Variants in PRKN observed in about 807,000 individuals in gnomAD.
PRKN encodes the protein parkin RBR E3 ubiquitin protein ligase, also known as E3 ubiquitin-protein ligase parkin.
PRKN carries 56 observed loss-of-function variants against 59.5 expected under a neutral mutation model. That is an observed-to-expected ratio of 0.94 (90% CI 0.76 to 1.18). PRKN has a LOEUF of 1.18. PRKN is among the 50% of genes most tolerant of loss of function. The pLI is 0.00. For synonymous variants in PRKN, 250 were observed against 222.1 expected, an observed-to-expected ratio of 1.13 and a Z score of -1.12; for missense variants, 657 against 596.4, an observed-to-expected ratio of 1.10 and a Z score of -1.06.
intron 6 of PRKN, among the ~76,000 whole-genome samples, chr6:161,919,367 G>A (rs575831182): frequency 1.4e-3 from 208 of 152,302 alleles, no homozygotes; most frequent in African/African-American, 4.8e-3. Flanking sequence ...GAGTGAGGAT[G>A]GCTCAAATAT....
chr6:161,786,768 G>A (rs1402265947), intron 6 of PRKN, among the ~76,000 whole-genome samples: 1 of 151,918 alleles, frequency 6.6e-6, no homozygotes, highest in African/African-American at 2.4e-5. Context: ...TATCCAACAG[G>A]GATTCTTCTA....
intron 5 of PRKN, among the ~76,000 whole-genome samples, chr6:161,978,031 G>T (rs149391723): frequency 0.074 from 9,492 of 128,280 alleles, 465 homozygotes; most frequent in African/African-American, 0.17. Context: ...TTATTTTATT[G>T]TATTTTATTT....
intron 7 of PRKN, among the ~76,000 whole-genome samples, chr6:161,675,904 C>G (rs749925303): frequency 6.6e-6 from 1 of 152,208 alleles, no homozygotes. Flanking sequence ...TTTGAAAATG[C>G]ATTTGAAATG....
At chr6:162,011,804 G>A (rs1268045513) in intron 5 of PRKN, among the ~76,000 whole-genome samples, 1 of 151,556 alleles carries the variant, frequency 6.6e-6, no homozygotes, top group Non-Finnish European at 1.5e-5. Flanking sequence ...AACTGAAAGT[G>A]CATAAACCTT....
intron 1 of PRKN, among the ~76,000 whole-genome samples, chr6:162,686,221 T>A (rs1779972869): frequency 6.6e-6 from 1 of 152,220 alleles, no homozygotes; most frequent in African/African-American, 2.4e-5. Context: ...TGTCATGATT[T>A]AGCCACAGCT....
In PRKN at chr6:161,874,592, G is replaced by A. The variant is rs868041367; in HGVS notation, c.735-88684C>T. ...ATATATATTATGTAAAATATATATT[G>A]TATGTAAAATATATATTACATATAA... On this transcript the variant is annotated intron_variant, in intron 6 of 11. Coordinates refer to ENST00000366898, the MANE Select transcript of PRKN (RefSeq NM_004562.3). Among the ~76,000 whole-genome samples, 300 of 56,634 alleles carry A rather than the reference G, an allele frequency of 5.3e-3. 27 individuals are homozygous for A. The highest frequency in any genetic ancestry group is 0.026 in the African/African-American group (239 of 9,202). 37.2% of individuals were successfully genotyped at this position (56,634 alleles called of 152,430 possible).
intron 9 of PRKN, among the ~76,000 whole-genome samples, chr6:161,508,993 C>A (rs577334198): frequency 6.6e-6 from 1 of 151,972 alleles, no homozygotes; most frequent in African/African-American, 2.4e-5. Context: ...TACAGGCATG[C>A]GCCACCATGC....
intron 10 of PRKN, among the ~76,000 whole-genome samples, chr6:161,375,753 C>T (rs1212157009): frequency 1.3e-5 from 2 of 152,222 alleles, no homozygotes; most frequent in Admixed American, 6.5e-5. Flanking sequence ...GCCTTGGAAA[C>T]GCACTGCAGA....
rs1786787585 is a variant in PRKN at position 161,396,938 on chromosome 6, T to G, written c.1084-10061A>C. On this transcript the variant is annotated intron_variant, in intron 9 of 11. Coordinates refer to ENST00000366898, the MANE Select transcript of PRKN (RefSeq NM_004562.3). The surrounding 1 kb of genome is among the most constrained non-coding windows in gnomAD (Gnocchi z 5.4). Reference sequence around the variant, plus strand: ...GGTTTTGCAGCTCCTCAATGATCAATCAATCAATCAGTCAAAATGATACAT... The same window carrying G: ...GGTTTTGCAGCTCCTCAATGATCAAGCAATCAATCAGTCAAAATGATACAT... Among the ~76,000 whole-genome samples, 2 of 152,174 alleles carry G rather than the reference T, an allele frequency of 1.3e-5. No individual in the cohort carries two copies. Among genetic ancestry groups the G allele is most frequent in the Admixed American group, 6.5e-5 (1 of 15,282 alleles).
At chr6:161,580,768 G>A (rs537029705) in intron 7 of PRKN, among the ~76,000 whole-genome samples, 4 of 151,362 alleles carry the variant, frequency 2.6e-5, no homozygotes, top group Non-Finnish European at 4.4e-5. Context: ...GTGAGCCACC[G>A]CACCCAGCCC....
intron 7 of PRKN, among the ~76,000 whole-genome samples, chr6:161,700,998 G>C (rs1433442535): frequency 2.0e-5 from 3 of 152,176 alleles, no homozygotes; most frequent in African/African-American, 7.2e-5. Context: ...ATCTAAGAAA[G>C]ACAACTTCAT....
chr6:162,184,540 TTC>T (rs1159508291), intron 4 of PRKN, among the ~76,000 whole-genome samples: 1 of 152,300 alleles, frequency 6.6e-6, no homozygotes, highest in Non-Finnish European at 1.5e-5. Context: ...TTCTCATTTC[TTC>T]TCTCTCTTGC....
At chr6:161,877,873 G>C (rs970857739) in intron 6 of PRKN, among the ~76,000 whole-genome samples, 1 of 152,110 alleles carries the variant, frequency 6.6e-6, no homozygotes, top group Non-Finnish European at 1.5e-5. Context: ...GGCCTTGTAA[G>C]GTCCCCTAAA....
intron 6 of PRKN, among the ~76,000 whole-genome samples, chr6:161,789,533 G>A (rs993804888): frequency 2.6e-5 from 4 of 152,094 alleles, no homozygotes; most frequent in Non-Finnish European, 2.9e-5. Flanking sequence ...CAAATTCCTA[G>A]GTCCAGTTCA....
chr6:162,490,527 C>G (rs1479670066), intron 1 of PRKN, among the ~76,000 whole-genome samples: 1 of 152,076 alleles, frequency 6.6e-6, no homozygotes, highest in East Asian at 1.9e-4. Context: ...GAATTTTTTC[C>G]CATAGTTTCC....
intron 9 of PRKN, among the ~76,000 whole-genome samples, chr6:161,492,864 T>G (rs1583148292): frequency 6.6e-6 from 1 of 152,190 alleles, no homozygotes; most frequent in Non-Finnish European, 1.5e-5. Flanking sequence ...TAGAGGCTGG[T>G]GATTGTGGGA....
chr6:161,476,323 A>T (rs912554204), intron 9 of PRKN, among the ~76,000 whole-genome samples: 1 of 152,212 alleles, frequency 6.6e-6, no homozygotes, highest in Non-Finnish European at 1.5e-5. Context: ...ACATCCTAAA[A>T]AAAGCTGCTG....
intron 2 of PRKN, among the ~76,000 whole-genome samples, chr6:162,436,175 C>T (rs1261562872): frequency 3.1e-5 from 1 of 32,354 alleles, no homozygotes; most frequent in African/African-American, 1.7e-4. Context: ...GACTCCATCT[C>T]CAAAAAAAAA....
At chr6:161,613,496 G>T (rs183160801) in intron 7 of PRKN, among the ~76,000 whole-genome samples, 1 of 152,224 alleles carries the variant, frequency 6.6e-6, no homozygotes, top group African/African-American at 2.4e-5. Flanking sequence ...AGTTTGAGAG[G>T]ATCGACTCCA....
Sources: allele counts gnomAD v4.1 joint callset (sites outside exome capture counted in the v4.1 genomes callset), GRCh38; gene constraint gnomAD v4.1.1; non-coding constraint Gnocchi (gnomAD v3.1); transcripts MANE v1.5; gene names NCBI Gene and HGNC (gene_info 2026-07-23, HGNC 2026-07-21).